Variants in NRG3 observed in about 807,000 individuals in gnomAD.
NRG3 encodes neuregulin 3.
A neutral mutation model predicts 66.9 loss-of-function variants in NRG3; 31 were observed. The observed-to-expected ratio is 0.46, with a 90% CI of 0.35 to 0.63. The LOEUF is 0.63. Among genes scored for constraint, NRG3 ranks in the 20% least tolerant of loss-of-function variants. NRG3 has a pLI of 0.00. For missense variants in NRG3, 910 were observed against 878.9 expected (o/e 1.04, Z -0.45); for synonymous variants, 393 against 359.4 (o/e 1.09, Z -1.06).
intron 2 of NRG3, among the ~76,000 whole-genome samples, chr10:82,699,700 T>A (rs907341389): frequency 2.6e-5 from 4 of 152,122 alleles, no homozygotes; most frequent in South Asian, 4.1e-4. Context: ...TATTTTAGCC[T>A]TTTGCATTTA....
intron 3 of NRG3, among the ~76,000 whole-genome samples, chr10:82,742,185 G>A (rs929432554): frequency 9.2e-5 from 14 of 151,960 alleles, no homozygotes; most frequent in African/African-American, 2.7e-4. Context: ...GTGAGAAACC[G>A]CTGCTCTTTT....
chr10:81,962,093 A>G (rs1850416764), intron 1 of NRG3, among the ~76,000 whole-genome samples: 1 of 152,218 alleles, frequency 6.6e-6, no homozygotes, highest in African/African-American at 2.4e-5. Context: ...ATGAGCACTA[A>G]AGGTTGAGAA....
At chr10:82,515,732 G>A (rs1845586762) in intron 2 of NRG3, among the ~76,000 whole-genome samples, 1 of 152,114 alleles carries the variant, frequency 6.6e-6, no homozygotes, top group Non-Finnish European at 1.5e-5. Context: ...AGCCAATTTA[G>A]TAGCCACCAC....
intron 1 of NRG3, among the ~76,000 whole-genome samples, chr10:82,234,145 C>T (rs1404077395): frequency 6.6e-6 from 1 of 152,146 alleles, no homozygotes; most frequent in Non-Finnish European, 1.5e-5. Flanking sequence ...GTCCAAATGC[C>T]TTCCTAGCAT....
chr10:82,400,667 A>G (rs1463059235), intron 2 of NRG3, among the ~76,000 whole-genome samples: 4 of 151,514 alleles, frequency 2.6e-5, no homozygotes, highest in Non-Finnish European at 5.9e-5. Flanking sequence ...TCCTGGGCTC[A>G]GGTGATTCTC....
At chr10:81,972,961 T>C (rs2059984536) in intron 1 of NRG3, among the ~76,000 whole-genome samples, 1 of 152,220 alleles carries the variant, frequency 6.6e-6, no homozygotes, top group Non-Finnish European at 1.5e-5. Flanking sequence ...ATTGCAGGTT[T>C]GTTACATAGG....
At position 82,118,264 on chromosome 10, in the gene NRG3, A is replaced by C. The variant is rs569377031; in HGVS notation, c.824-240475A>C. Reference sequence around the variant, plus strand: ...AATCTATATGTGCTCTGGAGCACATATAATTTTAGGCTGTGGGTTAGCATC... The same window carrying C: ...AATCTATATGTGCTCTGGAGCACATCTAATTTTAGGCTGTGGGTTAGCATC... On this transcript the variant is annotated intron_variant, in intron 1 of 8. Coordinates refer to ENST00000372141, the MANE Select transcript of NRG3 (RefSeq NM_001010848.4). 4.3e-4 allele frequency among the ~76,000 whole-genome samples: 66 copies of C among 151,920 alleles called. 2 individuals are homozygous for C. The South Asian group carries it at 0.013, about 31-fold the overall frequency.
chr10:82,055,229 A>G (rs2063779513), intron 1 of NRG3, among the ~76,000 whole-genome samples: 1 of 152,130 alleles, frequency 6.6e-6, no homozygotes, highest in Non-Finnish European at 1.5e-5. Flanking sequence ...CTGTAATCCC[A>G]GCACTTTGGG....
chr10:82,009,077 T>C (rs1168463925), intron 1 of NRG3, among the ~76,000 whole-genome samples: 3 of 152,336 alleles, frequency 2.0e-5, no homozygotes, highest in South Asian at 2.1e-4. Flanking sequence ...CAGCTAATTA[T>C]GTAGATGTAT....
chr10:82,100,815 G>T (rs867609025), intron 1 of NRG3, among the ~76,000 whole-genome samples: 24 of 151,730 alleles, frequency 1.6e-4, no homozygotes, highest in African/African-American at 5.6e-4. Context: ...AGGAATATTG[G>T]CCTGTCATTT....
At chr10:82,784,610 A>G (rs1389644531) in intron 3 of NRG3, among the ~76,000 whole-genome samples, 1 of 152,210 alleles carries the variant, frequency 6.6e-6, no homozygotes, top group Non-Finnish European at 1.5e-5. Context: ...AAAAATGCTC[A>G]TCATCACTGG....
intron 2 of NRG3, among the ~76,000 whole-genome samples, chr10:82,563,082 A>G (rs913216649): frequency 6.6e-6 from 1 of 152,180 alleles, no homozygotes; most frequent in African/African-American, 2.4e-5. Flanking sequence ...TAAGCCAGCA[A>G]CAGCTAAAGA....
chr10:82,127,584 G>A (rs1245752100), intron 1 of NRG3, among the ~76,000 whole-genome samples: 1 of 151,874 alleles, frequency 6.6e-6, no homozygotes, highest in Non-Finnish European at 1.5e-5. Flanking sequence ...TAATACTTTG[G>A]GCACAGATAT....
intron 2 of NRG3, among the ~76,000 whole-genome samples, chr10:82,531,043 C>A (rs1218021690): frequency 2.0e-5 from 3 of 151,006 alleles, no homozygotes; most frequent in African/African-American, 7.3e-5. Flanking sequence ...TTGCATGTTT[C>A]AATATGAAAA....
intron 3 of NRG3, chr10:82,827,192 G>C: frequency 6.5e-6 from 1 of 152,968 alleles, no homozygotes; most frequent in Non-Finnish European, 1.2e-5. Flanking sequence ...GAGACTTTTT[G>C]TTACCAAATT....
At chr10:82,786,679 G>C (rs2060379329) in intron 3 of NRG3, among the ~76,000 whole-genome samples, 1 of 152,174 alleles carries the variant, frequency 6.6e-6, no homozygotes, top group Non-Finnish European at 1.5e-5. Context: ...TATTTTGTGT[G>C]TGAGAATGAC....
At chr10:82,618,183 G>A (rs761790774) in intron 2 of NRG3, among the ~76,000 whole-genome samples, 8 of 152,166 alleles carry the variant, frequency 5.3e-5, no homozygotes, top group Non-Finnish European at 1.0e-4. Context: ...CTTTGGCAGG[G>A]AACTTGCCTC....
chr10:82,459,993 T>C (rs1318913046), intron 2 of NRG3, among the ~76,000 whole-genome samples: 1 of 152,226 alleles, frequency 6.6e-6, no homozygotes, highest in East Asian at 1.9e-4. Flanking sequence ...TGATTCTCTT[T>C]ATTTTGATAG....
intron 1 of NRG3, among the ~76,000 whole-genome samples, chr10:82,192,677 T>G (rs1175134314): frequency 6.6e-6 from 1 of 152,178 alleles, no homozygotes; most frequent in Non-Finnish European, 1.5e-5. Flanking sequence ...ATTCATTGAT[T>G]TAATAAGCAT....
Sources: gnomAD v4.1 joint callset for allele counts (sites outside exome capture counted in the v4.1 genomes callset) on GRCh38, gnomAD v4.1.1 for gene constraint, MANE v1.5 for transcripts, NCBI Gene and HGNC (gene_info 2026-07-23, HGNC 2026-07-21) for gene names.